DNAH5: variants seen among roughly 807,000 people sequenced by gnomAD.
DNAH5 encodes the protein axonemal beta dynein heavy chain 5.
Under a neutral mutation model 518.2 loss-of-function variants are expected in DNAH5, and 372 were observed. The ratio of observed to expected loss-of-function variants is 0.72; its 90% CI spans 0.66 to 0.78. The LOEUF is 0.78. Ranked by LOEUF, DNAH5 falls within the 30% of genes least tolerant of loss-of-function variation. DNAH5 has a pLI of 0.00. For synonymous variants in DNAH5, 2,039 were observed against 2,025.9 expected (o/e 1.01, Z -0.17); for missense variants, 5,523 against 5,687.0 (o/e 0.97, Z 0.93).
At chr5:13,954,244 A>T (rs1008475152) in intron 1 of DNAH5, among the ~76,000 whole-genome samples, 3 of 152,200 alleles carry the variant, frequency 2.0e-5, no homozygotes, top group African/African-American at 4.8e-5. Context: ...CAACTATAAA[A>T]CACTTCCTTC....
intron 38 of DNAH5, among the ~76,000 whole-genome samples, chr5:13,827,085 C>T (rs2151829808): frequency 6.6e-6 from 1 of 152,180 alleles, no homozygotes; most frequent in African/African-American, 2.4e-5. Context: ...GCATTTTGCC[C>T]CTGTCCCAGA....
chr5:13,984,898 T>C (rs1237076283), intron 1 of DNAH5, among the ~76,000 whole-genome samples: 1 of 152,134 alleles, frequency 6.6e-6, no homozygotes, highest in Non-Finnish European at 1.5e-5. Flanking sequence ...GAACTAGAAA[T>C]ACCATTTGAC....
intron 78 of DNAH5, among the ~76,000 whole-genome samples, chr5:13,695,761 G>C (rs1219786367): frequency 6.6e-6 from 1 of 152,108 alleles, no homozygotes; most frequent in Admixed American, 6.5e-5. Context: ...AATGTAGAAG[G>C]TGCCTAAGAT....
chr5:13,880,795 T>C (rs72735044), intron 21 of DNAH5, among the ~76,000 whole-genome samples: 2 of 151,438 alleles, frequency 1.3e-5, no homozygotes, highest in Non-Finnish European at 3.0e-5. Context: ...CAGAAAACAA[T>C]TAACAAAAAG....
In DNAH5 at chr5:13,830,219, A is replaced by G. The variant is rs1471313971; in HGVS notation, c.6062-6T>C. ...GGATCCAGACTGTGCCAGTCCTTCG[A>G]AAGGAAATTAAATGAAAAATCCAAT... is the stretch of plus-strand genomic sequence containing the variant. On this transcript the variant is annotated splice_region_variant and splice_polypyrimidine_tract_variant and intron_variant, in intron 36 of 78. Transcript: ENST00000265104. 1.2e-6 allele frequency: 2 copies of G among 1,612,928 alleles called. No individual in the cohort carries two copies. Among genetic ancestry groups the G allele is most frequent in the Non-Finnish European group, 8.5e-7 (1 of 1,178,970 alleles).
chr5:13,829,187 C>T (rs575942834), intron 38 of DNAH5, among the ~76,000 whole-genome samples: 12 of 152,078 alleles, frequency 7.9e-5, no homozygotes, highest in Non-Finnish European at 1.8e-4. Context: ...GAGGTTCCTA[C>T]AAATCATGAA....
intron 29 of DNAH5, among the ~76,000 whole-genome samples, chr5:13,859,972 G>T (rs1768168064): frequency 1.3e-5 from 2 of 152,114 alleles, no homozygotes; most frequent in East Asian, 3.9e-4. Context: ...TGGAGTCTCT[G>T]GTTTTTCATA....
intron 65 of DNAH5, among the ~76,000 whole-genome samples, chr5:13,748,260 C>T (rs1749691416): frequency 6.6e-6 from 1 of 152,200 alleles, no homozygotes; most frequent in South Asian, 2.1e-4. Flanking sequence ...GTACCAGTAC[C>T]ATGCTGTTTT....
Position 13,788,866 on chromosome 5 carries a change from G to T in DNAH5, c.8497C>A (p.Arg2833Ser), listed in dbSNP as rs766481283. 3 of 1,613,866 alleles carry T rather than the reference G, an allele frequency of 1.9e-6. No individual in the cohort carries two copies. The highest frequency in any genetic ancestry group is 2.7e-5 in the African/African-American group (2 of 74,872). Residue 2833 changes from arginine to serine, a missense_variant, in exon 51 of 79, where the codon CGT becomes AGT. By Grantham distance (110) the Arg-to-Ser change is moderately radical. Coordinates refer to ENST00000265104, the MANE Select transcript of DNAH5 (RefSeq NM_001369.3). ...KHECKRVIAD[R>S]FTVSSDVTWF... Reference sequence around the variant, plus strand: ...GTCACATCACTGGACACTGTGAAACGGTCAGCTATAACACGTTTACACTCA... The same window carrying T: ...GTCACATCACTGGACACTGTGAAACTGTCAGCTATAACACGTTTACACTCA...
intron 68 of DNAH5, among the ~76,000 whole-genome samples, chr5:13,734,502 T>A (rs59901467): frequency 3.3e-5 from 5 of 152,274 alleles, no homozygotes; most frequent in African/African-American, 1.2e-4. Context: ...GAATAAATCA[T>A]CCACAGGATG....
chr5:13,843,915 T>C (rs1765604459), intron 32 of DNAH5, among the ~76,000 whole-genome samples: 1 of 138,728 alleles, frequency 7.2e-6, no homozygotes, highest in Non-Finnish European at 1.6e-5. Flanking sequence ...AATTTAATTG[T>C]CCAATTTCTC....
chr5:13,989,242 C>T (rs1446495305), intron 1 of DNAH5, among the ~76,000 whole-genome samples: 1 of 151,922 alleles, frequency 6.6e-6, no homozygotes, highest in Non-Finnish European at 1.5e-5. Flanking sequence ...AAATATTCTA[C>T]AAGAAAAAGT....
At chr5:13,784,589 T>C (rs1755680714) in intron 52 of DNAH5, among the ~76,000 whole-genome samples, 2 of 152,298 alleles carry the variant, frequency 1.3e-5, no homozygotes, top group South Asian at 4.1e-4. Context: ...TTCAGAGGAA[T>C]GGTTGACTAG....
At chr5:13,728,855 C>A (rs868695177) in intron 69 of DNAH5, among the ~76,000 whole-genome samples, 1 of 152,190 alleles carries the variant, frequency 6.6e-6, no homozygotes, top group Non-Finnish European at 1.5e-5. Context: ...ATTCTCTACA[C>A]CCAACTTCCA....
At chr5:13,704,993 A>AT (rs111906324) in intron 76 of DNAH5, among the ~76,000 whole-genome samples, 25,287 of 146,416 alleles carry the variant, frequency 0.17, 2,367 homozygotes, top group African/African-American at 0.25. Context: ...CCAATAGACA[A>AT]TTTTTTTTTT....
chr5:13,901,195 T>C (rs1308907666), intron 14 of DNAH5, 57 bp downstream of exon 14: 4 of 1,568,582 alleles, frequency 2.6e-6, no homozygotes, highest in Admixed American at 3.4e-5. Context: ...TGTCAAATGC[T>C]AGAAGAGGGG....
chr5:13,880,497 T>G (rs1404992636), intron 21 of DNAH5, among the ~76,000 whole-genome samples: 1 of 151,910 alleles, frequency 6.6e-6, no homozygotes. Context: ...CTACACAAAT[T>G]TATTAAGGGA....
chr5:13,987,461 C>G (rs546112930), intron 1 of DNAH5, among the ~76,000 whole-genome samples: 1 of 152,202 alleles, frequency 6.6e-6, no homozygotes, highest in Admixed American at 6.5e-5. Context: ...TAACACTAAT[C>G]AACTGCTCAC....
chr5:13,862,820 C>G (rs1298762853), intron 28 of DNAH5, 73 bp from the exon 29 acceptor site: 1 of 892,814 alleles, frequency 1.1e-6, no homozygotes, highest in Non-Finnish European at 1.7e-6. Context: ...ACGTGCAATA[C>G]CCCATCTTCA....
Sources: gnomAD v4.1 joint callset for allele counts (sites outside exome capture counted in the v4.1 genomes callset) on GRCh38, gnomAD v4.1.1 for gene constraint, MANE v1.5 for transcripts, NCBI Gene and HGNC (gene_info 2026-07-23, HGNC 2026-07-21) for gene names.